Variants in NOS1 observed in about 807,000 individuals in gnomAD.
NOS1 encodes NOS type I.
A neutral mutation model predicts 164.5 loss-of-function variants in NOS1; 51 were observed. That is an observed-to-expected ratio of 0.31 (90% CI 0.25 to 0.39). NOS1 has a LOEUF of 0.39. Ranked by LOEUF, NOS1 falls within the 10% of genes least tolerant of loss-of-function variation. The pLI is 1.00. For missense variants in NOS1, 1,362 were observed against 1,885.6 expected (o/e 0.72, Z 5.14); for synonymous variants, 719 against 745.8 (o/e 0.96, Z 0.59).
chr12:117,342,264 A>AT (rs1392120711), intron 1 of NOS1, among the ~76,000 whole-genome samples: 2 of 152,186 alleles, frequency 1.3e-5, no homozygotes, highest in Non-Finnish European at 2.9e-5. Context: ...ACAGGGGTGG[A>AT]TAAGATAGAC....
intron 6 of NOS1, 69 bp downstream of exon 6, chr12:117,286,035 C>G: frequency 6.4e-7 from 1 of 1,556,642 alleles, no homozygotes; most frequent in Non-Finnish European, 8.8e-7. Context: ...CTTTTTAAAG[C>G]TCCATCCACT....
rs1956555486 is a variant in NOS1 at position 117,213,303 on chromosome 12, G to T, written c.*2006C>A. On this transcript the variant is annotated 3_prime_UTR_variant, in exon 29 of 29. Transcript: ENST00000317775. ...GCCTTTGGGAGGAAAGCTACTAGGA[G>T]CTGGAAATGGGTTTGCAGGAAAGGA... 2 of 985,534 alleles carry T rather than the reference G, an allele frequency of 2.0e-6. No homozygotes were observed. Among genetic ancestry groups the T allele is most frequent in the Non-Finnish European group, 2.4e-6 (2 of 829,994 alleles). 61.0% of individuals were successfully genotyped at this position (985,534 alleles called of 1,614,324 possible).
Position 117,311,553 on chromosome 12 carries a change from G to A in NOS1, c.765C>T (p.Gly255=), listed in dbSNP as rs9658302. The stretch of plus-strand genomic sequence containing the variant: ...CATTGAAGACTCGGTCGTTCTCCAC[G>A]CCGAGGGGCAGAGGTTTGTGTGACT... ...DGKSHKPLPL[G]VENDRVFNDL... The change falls in exon 3 of 29, where the codon GGC becomes GGT. Residue 255 remains glycine, a synonymous_variant. Transcript: ENST00000317775. 277 of 1,612,972 alleles carry A rather than the reference G, an allele frequency of 1.7e-4. 1 individual carries two copies. In the Admixed American group the frequency reaches 3.7e-3, roughly 22 times the overall value.
At chr12:117,283,152 C>T (rs1157066989) in intron 7 of NOS1, among the ~76,000 whole-genome samples, 1 of 151,276 alleles carries the variant, frequency 6.6e-6, no homozygotes, top group Non-Finnish European at 1.5e-5. Context: ...CCTCCACCTC[C>T]TGCGTTCAAG....
At chr12:117,242,843 G>A in intron 19 of NOS1, 138 bp from the exon 20 acceptor site, 2 of 718,656 alleles carry the variant, frequency 2.8e-6, no homozygotes, top group South Asian at 3.2e-5. Flanking sequence ...TTGAGGCCAG[G>A]GGTTCAAGAC....
intron 1 of NOS1, among the ~76,000 whole-genome samples, chr12:117,340,925 A>G (rs1479345820): frequency 8.0e-6 from 1 of 125,486 alleles, no homozygotes; most frequent in African/African-American, 3.2e-5. Flanking sequence ...GGGTTTCACC[A>G]TGTTGGCCAG....
At chr12:117,249,439 T>G (rs1870915399) in intron 17 of NOS1, among the ~76,000 whole-genome samples, 1 of 152,148 alleles carries the variant, frequency 6.6e-6, no homozygotes, top group South Asian at 2.1e-4. Context: ...GGGAAATTAG[T>G]CTATGTTAGT....
intron 1 of NOS1, among the ~76,000 whole-genome samples, chr12:117,353,528 T>C (rs1423507164): frequency 1.3e-5 from 2 of 152,220 alleles, no homozygotes; most frequent in African/African-American, 4.8e-5. Flanking sequence ...CTTCCCCAAA[T>C]ACTCAGTTAA....
intron 1 of NOS1, among the ~76,000 whole-genome samples, chr12:117,333,922 C>T (rs1298125766): frequency 3.9e-5 from 6 of 152,102 alleles, no homozygotes; most frequent in Non-Finnish European, 8.8e-5. Context: ...CAGAGACAGC[C>T]GGGACCTCCA....
At chr12:117,232,822 C>A (rs1869360089) in intron 21 of NOS1, among the ~76,000 whole-genome samples, 1 of 152,104 alleles carries the variant, frequency 6.6e-6, no homozygotes, top group Non-Finnish European at 1.5e-5. Context: ...AGCTCTATTT[C>A]AACACAGAGG....
At chr12:117,262,407 A>AGG (rs1871981304) in intron 13 of NOS1, among the ~76,000 whole-genome samples, 1 of 128,694 alleles carries the variant, frequency 7.8e-6, no homozygotes, top group African/African-American at 3.0e-5. Context: ...GGGTGGAAGG[A>AGG]GAGAGAGGGA....
chr12:117,357,056 C>T (rs1876885458), intron 1 of NOS1, among the ~76,000 whole-genome samples: 1 of 152,204 alleles, frequency 6.6e-6, no homozygotes, highest in Non-Finnish European at 1.5e-5. Flanking sequence ...GGCGTGGTGG[C>T]TCACACCTGC....
intron 17 of NOS1, among the ~76,000 whole-genome samples, chr12:117,252,104 A>C (rs1871146513): frequency 6.6e-6 from 1 of 152,232 alleles, no homozygotes; most frequent in Non-Finnish European, 1.5e-5. Flanking sequence ...AGCAAAATTG[A>C]AGCTATTACG....
rs75782568 is a variant in NOS1 at position 117,357,995 on chromosome 12, C to G, written c.-421+3517G>C. On this transcript the variant is annotated intron_variant, in intron 1 of 28. Transcript: ENST00000317775. ...AATTCCAGTTTCTAATGGGAAAAAG[C>G]CCCAGTTCTCACGAGCACGGATTGT... 3.7e-4 allele frequency among the ~76,000 whole-genome samples: 57 copies of G among 152,298 alleles called. 1 individual carries two copies. The East Asian group carries it at 0.011, about 29-fold the overall frequency.
chr12:117,290,228 T>C, intron 4 of NOS1, 70 bp downstream of exon 4: 1 of 1,577,648 alleles, frequency 6.3e-7, no homozygotes, highest in Non-Finnish European at 8.6e-7. Context: ...CAACAAAGAC[T>C]TATCCGACTC....
At position 117,211,724 on chromosome 12, in the gene NOS1, A is replaced by C. The variant is rs1392134042; in HGVS notation, c.*3585T>G. On this transcript the variant is annotated 3_prime_UTR_variant, in exon 29 of 29. Transcript: ENST00000317775. Reference sequence around the variant, plus strand: ...CAGTGAAATCCCGCCCATTTCTCAAACCCCAGAAATTTATGTCAGTTCCAA... The same window carrying C: ...CAGTGAAATCCCGCCCATTTCTCAACCCCCAGAAATTTATGTCAGTTCCAA... 1.0e-6 allele frequency: 1 copy of C among 985,230 alleles called. No homozygotes were observed. The highest frequency in any genetic ancestry group is 1.2e-6 in the Non-Finnish European group (1 of 829,986). 61.0% of individuals were successfully genotyped at this position (985,230 alleles called of 1,614,324 possible). A position where few individuals can be genotyped will look rare whatever the true frequency, so the allele number is the denominator to read the frequency against.
chr12:117,242,780 G>A (rs757258666), intron 19 of NOS1, 75 bp from the exon 20 acceptor site: 64 of 1,355,192 alleles, frequency 4.7e-5, no homozygotes, highest in Non-Finnish European at 6.3e-5. Context: ...GTGGGGCAAC[G>A]TGGCTCACGC....
At chr12:117,250,210 A>G (rs965105755) in intron 17 of NOS1, among the ~76,000 whole-genome samples, 4 of 151,936 alleles carry the variant, frequency 2.6e-5, no homozygotes, top group African/African-American at 7.3e-5. Context: ...CACTCCCCTC[A>G]AATCTACACT....
intron 17 of NOS1, among the ~76,000 whole-genome samples, chr12:117,253,023 G>A (rs1871208299): frequency 6.6e-6 from 1 of 152,162 alleles, no homozygotes; most frequent in Non-Finnish European, 1.5e-5. Context: ...CTGCCCACGT[G>A]CTTCCTAAAA....
Sources: allele counts gnomAD v4.1 joint callset (sites outside exome capture counted in the v4.1 genomes callset), GRCh38; gene constraint gnomAD v4.1.1; transcripts MANE v1.5; gene names NCBI Gene and HGNC (gene_info 2026-07-23, HGNC 2026-07-21).